Variants in ARHGAP12 observed in about 807,000 individuals in gnomAD.
The protein encoded by ARHGAP12 is rho GTPase-activating protein 12.
A neutral mutation model predicts 108.6 loss-of-function variants in ARHGAP12; 64 were observed. The ratio of observed to expected loss-of-function variants is 0.59; its 90% CI spans 0.48 to 0.73. ARHGAP12 has a LOEUF of 0.73. Among genes scored for constraint, ARHGAP12 ranks in the 30% least tolerant of loss-of-function variants. The pLI is 0.00. For synonymous variants in ARHGAP12, 312 were observed against 337.2 expected, an observed-to-expected ratio of 0.93 and a Z score of 0.82; for missense variants, 940 against 1,005.9, an observed-to-expected ratio of 0.93 and a Z score of 0.89.
intron 3 of ARHGAP12, among the ~76,000 whole-genome samples, chr10:31,898,517 C>T (rs1434034924): frequency 1.3e-5 from 2 of 152,176 alleles, no homozygotes; most frequent in African/African-American, 4.8e-5. Flanking sequence ...TCCCAAAGTG[C>T]TGGAATTACA....
At chr10:31,883,527 C>T (rs1838065363) in intron 3 of ARHGAP12, among the ~76,000 whole-genome samples, 1 of 152,112 alleles carries the variant, frequency 6.6e-6, no homozygotes, top group Non-Finnish European at 1.5e-5. Context: ...AACTTCAGCA[C>T]AAAAATATTT....
At chr10:31,889,625 T>TG (rs1204560442) in intron 3 of ARHGAP12, among the ~76,000 whole-genome samples, 1 of 133,704 alleles carries the variant, frequency 7.5e-6, no homozygotes, top group Non-Finnish European at 1.6e-5. Flanking sequence ...TCTCGTTTTT[T>TG]TTTTTTTTTT....
At chr10:31,902,524 A>G (rs1838969893) in intron 3 of ARHGAP12, among the ~76,000 whole-genome samples, 1 of 152,062 alleles carries the variant, frequency 6.6e-6, no homozygotes, top group African/African-American at 2.4e-5. Context: ...AAAAAATTAT[A>G]AACTAGCTGG....
chr10:31,928,171 T>TGCGC (rs10660460), intron 1 of ARHGAP12, among the ~76,000 whole-genome samples: 5 of 138,708 alleles, frequency 3.6e-5, no homozygotes, highest in Admixed American at 1.5e-4. Flanking sequence ...GCCGGCCTTT[T>TGCGC]GCGCACACAC....
intron 6 of ARHGAP12, among the ~76,000 whole-genome samples, chr10:31,845,956 C>T (rs1247955665): frequency 2.6e-5 from 4 of 152,112 alleles, no homozygotes; most frequent in Admixed American, 2.6e-4. Flanking sequence ...CATTAATTGT[C>T]TGTTTCTCCT....
rs766111216 is a variant in ARHGAP12 at position 31,839,636 on chromosome 10, CTG to C, written c.1370_1371del (p.Thr457SerfsTer20). 3 of 1,600,244 alleles carry C rather than the reference CTG, an allele frequency of 1.9e-6. No individual in the cohort carries two copies. Among genetic ancestry groups the C allele is most frequent in the East Asian group, 2.2e-5 (1 of 44,514 alleles). ...SSPSSPKHQD[T>X]ASSPKDQEKY... ...ATAAGATATGCTTCTATCATACTAACTGTATCTTGGTGCTTTGGTGAGGAGGG... is the reference window on the plus strand; with the variant it reads ...ATAAGATATGCTTCTATCATACTAACTATCTTGGTGCTTTGGTGAGGAGGG... On this transcript the variant is annotated frameshift_variant and splice_region_variant, in exon 8 of 20. Coordinates refer to ENST00000344936, the MANE Select transcript of ARHGAP12 (RefSeq NM_018287.7). LOFTEE classifies it high-confidence loss of function.
chr10:31,891,633 G>A (rs1838439454), intron 3 of ARHGAP12, among the ~76,000 whole-genome samples: 1 of 152,124 alleles, frequency 6.6e-6, no homozygotes, highest in South Asian at 2.1e-4. Context: ...GGCCTGCCCT[G>A]CTAGATTGGG....
intron 11 of ARHGAP12, 36 bp downstream of exon 11, chr10:31,826,268 A>G (rs774352303): frequency 2.0e-6 from 3 of 1,522,140 alleles, no homozygotes; most frequent in Non-Finnish European, 2.7e-6. Flanking sequence ...CACATAATTT[A>G]AATGTATAAA....
intron 13 of ARHGAP12, 147 bp from the exon 14 acceptor site, chr10:31,814,508 T>A (rs562046477): frequency 1.6e-5 from 10 of 637,116 alleles, no homozygotes; most frequent in African/African-American, 1.5e-4. Context: ...GACTTAGATA[T>A]TTGATAAATA....
Position 31,807,838 on chromosome 10 carries a change from G to C in ARHGAP12, c.2367-6C>G. 6.7e-7 allele frequency: 1 copy of C among 1,494,806 alleles called. No homozygotes were observed. The highest frequency in any genetic ancestry group is 2.4e-5 in the East Asian group (1 of 41,648). 92.6% of individuals were successfully genotyped at this position (1,494,806 alleles called of 1,614,324 possible). On this transcript the variant is annotated splice_polypyrimidine_tract_variant and splice_region_variant and intron_variant, in intron 19 of 19. Coordinates refer to ENST00000344936, the MANE Select transcript of ARHGAP12 (RefSeq NM_018287.7). ...TCTCTCCATTTTCTATAACTCTGAA[G>C]GGAAAAAAAGAAGTTGTTAAAAGAG...
At chr10:31,824,493 C>A (rs1252206366) in intron 11 of ARHGAP12, among the ~76,000 whole-genome samples, 1 of 152,060 alleles carries the variant, frequency 6.6e-6, no homozygotes, top group Non-Finnish European at 1.5e-5. Flanking sequence ...AGTAATACAA[C>A]CTTGGCTGAT....
rs1256007077 is a variant in ARHGAP12, at chr10:31,839,277, T to C, written c.1386+28A>G. On this transcript the variant is annotated intron_variant, in intron 9 of 19. Coordinates refer to ENST00000344936, the MANE Select transcript of ARHGAP12 (RefSeq NM_018287.7). ...CATAGAAAATGAAGGTGTCTATGCCTATTAAGAAGGAGAGGATTGCTTCTT... is the reference window on the plus strand; with the variant it reads ...CATAGAAAATGAAGGTGTCTATGCCCATTAAGAAGGAGAGGATTGCTTCTT... 2.5e-6 allele frequency: 4 copies of C among 1,601,152 alleles called. No individual in the cohort carries two copies. The South Asian group carries it at 3.3e-5, about 13-fold the overall frequency.
chr10:31,837,574 G>A (rs1322363382), intron 9 of ARHGAP12, among the ~76,000 whole-genome samples: 1 of 152,140 alleles, frequency 6.6e-6, no homozygotes, highest in African/African-American at 2.4e-5. Flanking sequence ...GGTCCATCTT[G>A]ATGGAGGTAT....
chr10:31,828,954 C>T (rs749984155), intron 10 of ARHGAP12, among the ~76,000 whole-genome samples: 68 of 152,166 alleles, frequency 4.5e-4, no homozygotes, highest in Admixed American at 3.1e-3. Flanking sequence ...GAGTTCAAGA[C>T]CAGCCTGGTC....
At chr10:31,873,858 A>C (rs2132342514) in intron 3 of ARHGAP12, among the ~76,000 whole-genome samples, 1 of 152,348 alleles carries the variant, frequency 6.6e-6, no homozygotes, top group East Asian at 1.9e-4. Flanking sequence ...CAGTAAAGCA[A>C]AGAAAATTCA....
At chr10:31,835,111 T>C (rs1258215467) in intron 9 of ARHGAP12, among the ~76,000 whole-genome samples, 1 of 151,624 alleles carries the variant, frequency 6.6e-6, no homozygotes, top group Admixed American at 6.6e-5. Flanking sequence ...AGACACAGAA[T>C]TGCTTGAATG....
At chr10:31,834,928 C>T (rs1835956822) in intron 9 of ARHGAP12, among the ~76,000 whole-genome samples, 1 of 152,072 alleles carries the variant, frequency 6.6e-6, no homozygotes, top group South Asian at 2.1e-4. Context: ...AGGCAGGGCA[C>T]GGTGGCTCAC....
chr10:31,807,814 C>T lies in ARHGAP12; in HGVS notation c.2385G>A (p.Glu795=). 2.0e-6 allele frequency: 3 copies of T among 1,531,110 alleles called. No individual in the cohort carries two copies. The highest frequency in any genetic ancestry group is 2.4e-5 in the East Asian group (1 of 42,362). The allele number at this position is 1,531,110 out of a possible 1,614,324, so 94.8% of individuals were successfully genotyped here. A position where few individuals can be genotyped will look rare whatever the true frequency, so the allele number is the denominator to read the frequency against. The change falls in exon 20 of 20, where the codon GAG becomes GAA. Residue 795 remains glutamate, a synonymous_variant. Transcript: ENST00000344936. The part of the protein sequence containing the change: ...RHLRRVIENG[E]KNRMTYQSIA... ...TACTCTGATAGGTCATTCGATTTTT[C>T]TCTCCATTTTCTATAACTCTGAAGG... is the stretch of plus-strand genomic sequence containing the variant.
Position 31,854,102 on chromosome 10 carries a change from C to T in ARHGAP12, c.1053G>A (p.Gly351=), listed in dbSNP as rs1483978276. Residue 351 remains glycine, a synonymous_variant, in exon 5 of 20, where the codon GGG becomes GGA. Transcript: ENST00000344936. The stretch of plus-strand genomic sequence containing the variant: ...TATAGTCACTGGTATATAAGGTATG[C>T]CCACGTTCATCCAACTCTTCTGACC... ...RGWSEELDER[G]HTLYTSDYTN... is the part of the protein sequence containing the mutation. 3 of 1,613,608 alleles carry T rather than the reference C, an allele frequency of 1.9e-6. No individual in the cohort carries two copies. Among genetic ancestry groups the T allele is most frequent in the South Asian group, 2.2e-5 (2 of 90,986 alleles).
Sources: allele counts gnomAD v4.1 joint callset (sites outside exome capture counted in the v4.1 genomes callset), GRCh38; gene constraint gnomAD v4.1.1; transcripts MANE v1.5; gene names NCBI Gene and HGNC (gene_info 2026-07-23, HGNC 2026-07-21).